Variants in ENOX1 observed in about 807,000 individuals in gnomAD.
ENOX1 encodes the protein candidate growth-related and time keeping constitutive hydroquinone (NADH) oxidase.
ENOX1 carries 42 observed loss-of-function variants against 82.5 expected under a neutral mutation model. The observed-to-expected ratio is 0.51, with a 90% CI of 0.40 to 0.66. The LOEUF is 0.66. Ranked by LOEUF, ENOX1 falls within the 30% of genes least tolerant of loss-of-function variation. The pLI is 0.00. For missense variants in ENOX1, 608 were observed against 811.6 expected (o/e 0.75, Z 3.05); for synonymous variants, 271 against 282.2 (o/e 0.96, Z 0.40).
chr13:43,468,646 A>C (rs547799873), intron 3 of ENOX1, among the ~76,000 whole-genome samples: 2 of 152,008 alleles, frequency 1.3e-5, no homozygotes, highest in Admixed American at 6.6e-5. Context: ...AAAAAAAAAA[A>C]AAACAAAGCC....
Position 43,348,280 on chromosome 13 carries a change from C to T in ENOX1, c.824-3530G>A, listed in dbSNP as rs552771865. Among the ~76,000 whole-genome samples the T allele has an allele frequency of 2.6e-5, 4 of 152,338 alleles. No individual in the cohort carries two copies. In the South Asian group the frequency reaches 8.3e-4, roughly 32 times the overall value. On this transcript the variant is annotated intron_variant, in intron 8 of 16. Transcript: ENST00000690772. ...TCCTGCTATTAAAGCATTAGTCGCA[C>T]TGTATGGTAATTGTTGGTTTACAGA... is the stretch of plus-strand genomic sequence containing the variant.
intron 2 of ENOX1, among the ~76,000 whole-genome samples, chr13:43,595,989 G>A (rs1205295331): frequency 3.3e-5 from 5 of 152,222 alleles, no homozygotes; most frequent in South Asian, 4.1e-4. Flanking sequence ...TGCAAGTAAC[G>A]CATCATATGG....
chr13:43,588,993 G>C (rs184438101), intron 2 of ENOX1, among the ~76,000 whole-genome samples: 4 of 152,164 alleles, frequency 2.6e-5, no homozygotes, highest in African/African-American at 9.6e-5. Context: ...ATCCTTGGTA[G>C]GCTAAATATT....
chr13:43,627,210 TTCATGTTTTTAA>T (rs2083002864), intron 2 of ENOX1, among the ~76,000 whole-genome samples: 2 of 152,014 alleles, frequency 1.3e-5, no homozygotes, highest in Admixed American at 1.3e-4. Context: ...ATACAGTTGG[TTCATGTTTTTAA>T]TCACCCTGAC....
At chr13:43,252,231 G>A (rs1032435002) in intron 14 of ENOX1, among the ~76,000 whole-genome samples, 4 of 152,148 alleles carry the variant, frequency 2.6e-5, no homozygotes, top group African/African-American at 9.7e-5. Context: ...TGAGCATCAC[G>A]GCCACAAGTC....
chr13:43,269,814 C>T (rs2044585351), intron 12 of ENOX1, among the ~76,000 whole-genome samples: 1 of 152,142 alleles, frequency 6.6e-6, no homozygotes, highest in Non-Finnish European at 1.5e-5. Context: ...TTTGTGAAGG[C>T]ATCATTATAT....
intron 2 of ENOX1, among the ~76,000 whole-genome samples, chr13:43,494,177 C>A (rs1406844703): frequency 3.9e-5 from 6 of 152,032 alleles, no homozygotes; most frequent in Admixed American, 6.5e-5. Flanking sequence ...ACAACCAAAC[C>A]ATATCATCCT....
At chr13:43,755,683 A>G (rs187623985) in intron 1 of ENOX1, among the ~76,000 whole-genome samples, 2 of 152,336 alleles carry the variant, frequency 1.3e-5, no homozygotes, top group African/African-American at 4.8e-5. Flanking sequence ...ATATCCTCCC[A>G]CACTTTTCTC....
chr13:43,486,071 A>G (rs967553434), intron 2 of ENOX1, among the ~76,000 whole-genome samples: 1 of 152,152 alleles, frequency 6.6e-6, no homozygotes, highest in Non-Finnish European at 1.5e-5. Context: ...TTAGCCGGGC[A>G]TGGTGGCGGG....
intron 2 of ENOX1, among the ~76,000 whole-genome samples, chr13:43,579,166 C>T (rs1156378758): frequency 1.3e-5 from 2 of 152,032 alleles, no homozygotes; most frequent in Admixed American, 6.6e-5. Context: ...CTACTAAGCA[C>T]ACATTAAATG....
intron 2 of ENOX1, among the ~76,000 whole-genome samples, chr13:43,652,203 G>T (rs1229963448): frequency 2.6e-5 from 4 of 152,048 alleles, no homozygotes; most frequent in African/African-American, 4.8e-5. Flanking sequence ...GGGGTGGAGG[G>T]GTGGAAGTCA....
At chr13:43,535,414 G>T (rs2078415586) in intron 2 of ENOX1, among the ~76,000 whole-genome samples, 1 of 152,128 alleles carries the variant, frequency 6.6e-6, no homozygotes, top group Admixed American at 6.6e-5. Context: ...TAGCATCCCA[G>T]GAAGCAATGC....
chr13:43,317,748 G>A (rs1049143875), intron 11 of ENOX1, among the ~76,000 whole-genome samples: 1 of 151,916 alleles, frequency 6.6e-6, no homozygotes, highest in East Asian at 1.9e-4. Flanking sequence ...GCTCATGCCT[G>A]TAATCCCAAC....
At chr13:43,347,995 CG>C (rs1250254499) in intron 8 of ENOX1, among the ~76,000 whole-genome samples, 1 of 152,198 alleles carries the variant, frequency 6.6e-6, no homozygotes, top group African/African-American at 2.4e-5. Flanking sequence ...GGTCCATTCA[CG>C]GGTCTTGCCT....
chr13:43,622,717 T>C (rs1211810045), intron 2 of ENOX1, among the ~76,000 whole-genome samples: 2 of 152,136 alleles, frequency 1.3e-5, no homozygotes, highest in Non-Finnish European at 2.9e-5. Context: ...TAATGGTCTA[T>C]TTTTGTGCTG....
At chr13:43,760,005 T>C (rs1950875801) in intron 1 of ENOX1, among the ~76,000 whole-genome samples, 1 of 152,212 alleles carries the variant, frequency 6.6e-6, no homozygotes, top group South Asian at 2.1e-4. Flanking sequence ...CACAAAATTA[T>C]GCACAATGGT....
chr13:43,354,802 G>T (rs2050045805), intron 8 of ENOX1, among the ~76,000 whole-genome samples: 1 of 152,180 alleles, frequency 6.6e-6, no homozygotes, highest in Non-Finnish European at 1.5e-5. Context: ...GCTTCTGTGG[G>T]TTTTTATTCT....
intron 1 of ENOX1, among the ~76,000 whole-genome samples, chr13:43,685,873 A>AAAAC (rs2086043440): frequency 7.1e-6 from 1 of 141,422 alleles, no homozygotes; most frequent in Admixed American, 7.1e-5. Context: ...CCCAGAAGGA[A>AAAAC]ACACACACAC....
intron 1 of ENOX1, among the ~76,000 whole-genome samples, chr13:43,772,749 T>C (rs1460748060): frequency 1.8e-5 from 2 of 112,110 alleles, no homozygotes; most frequent in East Asian, 4.9e-4. Context: ...ACTCTGTCTT[T>C]AAAAAAAAAA....
Sources: gnomAD v4.1 joint callset for allele counts (sites outside exome capture counted in the v4.1 genomes callset) on GRCh38, gnomAD v4.1.1 for gene constraint, MANE v1.5 for transcripts, NCBI Gene and HGNC (gene_info 2026-07-23, HGNC 2026-07-21) for gene names.